The following ATXN8OS variants were observed in gnomAD, a reference collection of about 807,000 sequenced individuals.
ATXN8OS encodes ATXN8 opposite strand lncRNA.
chr13:70,158,414 C>G (rs2137503252), intron 4 of ATXN8OS, among the ~76,000 whole-genome samples: 1 of 152,224 alleles, frequency 6.6e-6, no homozygotes, highest in South Asian at 2.1e-4. Flanking sequence ...AAGACTCCAT[C>G]TCAAACAAAC....
At chr13:70,146,208 A>T (rs1447332116) in intron 3 of ATXN8OS, among the ~76,000 whole-genome samples, 5 of 150,222 alleles carry the variant, frequency 3.3e-5, no homozygotes, top group African/African-American at 9.8e-5. Flanking sequence ...TCAAAACCAC[A>T]ATGAGATACC....
At position 70,139,377 on chromosome 13, in the gene ATXN8OS, A is replaced by ACTGCTGCTGCTGCTGCTGCTG. The variant is rs879063589; in HGVS notation, n.500-7976_500-7975insGCTGCTGCTGCTGCTGCTGCT. 165 of 646,096 alleles carry ACTGCTGCTGCTGCTGCTGCTG rather than the reference A, an allele frequency of 2.6e-4. 1 individual carries two copies. The highest frequency in any genetic ancestry group is 1.2e-3 in the Middle Eastern group (3 of 2,514). 40.0% of individuals were successfully genotyped at this position (646,096 alleles called of 1,614,324 possible). On this transcript the variant is annotated intron_variant and non_coding_transcript_variant, in intron 3 of 4. Transcript: ENST00000678624. The stretch of plus-strand genomic sequence containing the variant: ...TACTACTACTACTACTACTACTACT[A>ACTGCTGCTGCTGCTGCTGCTG]CTACTACTGCTGCTGCTGCTGCTGC...
At chr13:70,126,575 C>T (rs1032877067) in intron 2 of ATXN8OS, among the ~76,000 whole-genome samples, 2 of 150,402 alleles carry the variant, frequency 1.3e-5, no homozygotes, top group Non-Finnish European at 3.0e-5. Flanking sequence ...ATAAATAGAT[C>T]GATGTAAACT....
chr13:70,165,267 A>G (rs1593779436), intron 4 of ATXN8OS, among the ~76,000 whole-genome samples: 1 of 152,028 alleles, frequency 6.6e-6, no homozygotes, highest in Non-Finnish European at 1.5e-5. Flanking sequence ...AACTCCATTA[A>G]TAAGAACTTA....
chr13:70,111,906 A>G (rs1012967471), intron 1 of ATXN8OS, among the ~76,000 whole-genome samples: 1 of 152,220 alleles, frequency 6.6e-6, no homozygotes. Context: ...TAATTTTAAT[A>G]AGATGTATTT....
intron 4 of ATXN8OS, among the ~76,000 whole-genome samples, chr13:70,155,165 T>C (rs948800299): frequency 3.3e-5 from 5 of 152,184 alleles, no homozygotes; most frequent in African/African-American, 1.2e-4. Context: ...AACAGTACCT[T>C]CTCATGGTAA....
At chr13:70,147,816 G>T (rs1397921910) in intron 4 of ATXN8OS, among the ~76,000 whole-genome samples, 4 of 152,118 alleles carry the variant, frequency 2.6e-5, no homozygotes, top group East Asian at 1.9e-4. Context: ...GCCTCGGGAG[G>T]TTCTAAGAAC....
At chr13:70,149,772 G>T (rs753086472) in intron 4 of ATXN8OS, among the ~76,000 whole-genome samples, 1 of 152,062 alleles carries the variant, frequency 6.6e-6, no homozygotes, top group Non-Finnish European at 1.5e-5. Context: ...CTAAAATTTG[G>T]CATGCAAGGA....
At chr13:70,154,796 T>G (rs1324217343) in intron 4 of ATXN8OS, among the ~76,000 whole-genome samples, 1 of 152,212 alleles carries the variant, frequency 6.6e-6, no homozygotes, top group African/African-American at 2.4e-5. Flanking sequence ...CTGTTTTATC[T>G]AAGAAGTACA....
chr13:70,168,313 G>A (rs1889102201), intron 4 of ATXN8OS, among the ~76,000 whole-genome samples: 1 of 151,894 alleles, frequency 6.6e-6, no homozygotes, highest in South Asian at 2.1e-4. Context: ...TCAAGTCAGG[G>A]GATTCAGGTT....
intron 3 of ATXN8OS, among the ~76,000 whole-genome samples, chr13:70,134,860 C>A (rs1211327337): frequency 5.3e-5 from 8 of 152,022 alleles, no homozygotes. Context: ...GGGCCACTGA[C>A]ACACATGCTT....
intron 4 of ATXN8OS, among the ~76,000 whole-genome samples, chr13:70,159,346 T>C (rs1029928253): frequency 3.9e-5 from 6 of 152,130 alleles, no homozygotes; most frequent in Admixed American, 6.6e-5. Flanking sequence ...AAAAGTTTTA[T>C]ATATTTATTT....
intron 4 of ATXN8OS, among the ~76,000 whole-genome samples, chr13:70,159,890 A>C (rs556816965): frequency 6.6e-6 from 1 of 152,320 alleles, no homozygotes; most frequent in African/African-American, 2.4e-5. Flanking sequence ...AGTAGTAATA[A>C]ATTGAATGTG....
chr13:70,148,327 A>G (rs1180635092), intron 4 of ATXN8OS, among the ~76,000 whole-genome samples: 1 of 152,150 alleles, frequency 6.6e-6, no homozygotes, highest in East Asian at 1.9e-4. Context: ...GATTTCCTTT[A>G]GGGCCTGTTA....
chr13:70,157,019 AT>A (rs1424446392), intron 4 of ATXN8OS, among the ~76,000 whole-genome samples: 1 of 152,194 alleles, frequency 6.6e-6, no homozygotes, highest in Admixed American at 6.5e-5. Flanking sequence ...CATACCGTAG[AT>A]ATAAATATAA....
At chr13:70,128,778 T>G (rs1237967473) in intron 2 of ATXN8OS, among the ~76,000 whole-genome samples, 8 of 152,118 alleles carry the variant, frequency 5.3e-5, no homozygotes, top group Non-Finnish European at 1.2e-4. Context: ...CGTATATCTC[T>G]TTAAGGTATC....
At chr13:70,112,514 AT>A (rs1381745091) in intron 1 of ATXN8OS, among the ~76,000 whole-genome samples, 4 of 152,124 alleles carry the variant, frequency 2.6e-5, no homozygotes, top group African/African-American at 9.7e-5. Flanking sequence ...ACACATAACC[AT>A]TCATGGTCTA....
chr13:70,113,032 C>G (rs895610494), intron 1 of ATXN8OS, among the ~76,000 whole-genome samples: 2 of 149,262 alleles, frequency 1.3e-5, no homozygotes, highest in Non-Finnish European at 3.0e-5. Flanking sequence ...AAGTGATTCT[C>G]TTGCCTCAGC....
chr13:70,158,535 A>G (rs949007460), intron 4 of ATXN8OS, among the ~76,000 whole-genome samples: 1 of 152,234 alleles, frequency 6.6e-6, no homozygotes, highest in African/African-American at 2.4e-5. Context: ...CTAGATGGCA[A>G]TGCTATCTTC....
Sources: allele counts gnomAD v4.1 joint callset (sites outside exome capture counted in the v4.1 genomes callset), GRCh38; gene constraint gnomAD v4.1.1; transcripts MANE v1.5; gene names NCBI Gene and HGNC (gene_info 2026-07-23, HGNC 2026-07-21).